The following SLC35F4 variants were observed in gnomAD, a reference collection of about 807,000 sequenced individuals.
The protein encoded by SLC35F4 is chromosome 14 open reading frame 36.
SLC35F4 carries 24 observed loss-of-function variants against 44.2 expected under a neutral mutation model. That is an observed-to-expected ratio of 0.54 (90% CI 0.39 to 0.76). The LOEUF (loss-of-function observed/expected upper bound fraction) is 0.76, where lower values mean the gene tolerates loss of function less well. Ranked by LOEUF, SLC35F4 falls within the 30% of genes least tolerant of loss-of-function variation. SLC35F4 has a pLI of 0.00. For synonymous variants in SLC35F4, 238 were observed against 223.6 expected, an observed-to-expected ratio of 1.06 and a Z score of -0.57; for missense variants, 562 against 586.1, an observed-to-expected ratio of 0.96 and a Z score of 0.42.
intron 1 of SLC35F4, among the ~76,000 whole-genome samples, chr14:57,669,308 T>A (rs1442388028): frequency 6.6e-6 from 1 of 151,918 alleles, no homozygotes; most frequent in African/African-American, 2.4e-5. Context: ...TTTTCCTAAT[T>A]GAATACCCTT....
intron 1 of SLC35F4, among the ~76,000 whole-genome samples, chr14:57,921,053 AG>A (rs1423048064): frequency 6.6e-6 from 1 of 152,240 alleles, no homozygotes; most frequent in Non-Finnish European, 1.5e-5. Context: ...CACCATCTTC[AG>A]AGCAAACTTT....
intron 1 of SLC35F4, among the ~76,000 whole-genome samples, chr14:57,833,115 C>T (rs963860513): frequency 6.6e-6 from 1 of 152,154 alleles, no homozygotes; most frequent in Non-Finnish European, 1.5e-5. Flanking sequence ...CTAGTAAAAG[C>T]ATGACTGGTA....
intron 1 of SLC35F4, among the ~76,000 whole-genome samples, chr14:57,642,448 A>G (rs2073292496): frequency 6.6e-6 from 1 of 151,992 alleles, no homozygotes; most frequent in Non-Finnish European, 1.5e-5. Flanking sequence ...ATTTTATAAG[A>G]TACAGATTTT....
intron 1 of SLC35F4, among the ~76,000 whole-genome samples, chr14:57,638,088 TTC>T (rs2073085029): frequency 6.6e-6 from 1 of 152,164 alleles, no homozygotes; most frequent in South Asian, 2.1e-4. Flanking sequence ...ACCACAAGGT[TTC>T]TCTTTCTCTA....
At chr14:57,834,490 C>T (rs779622572) in intron 1 of SLC35F4, among the ~76,000 whole-genome samples, 1 of 152,154 alleles carries the variant, frequency 6.6e-6, no homozygotes, top group Non-Finnish European at 1.5e-5. Flanking sequence ...CAAAGAAAAA[C>T]ATGCTTTTTG....
At chr14:57,863,483 G>A (rs888621121) in intron 1 of SLC35F4, among the ~76,000 whole-genome samples, 4 of 152,222 alleles carry the variant, frequency 2.6e-5, no homozygotes, top group Non-Finnish European at 4.4e-5. Flanking sequence ...GACAGGAAAT[G>A]AGAAAGTCAC....
chr14:57,641,105 C>T (rs1228904442), intron 1 of SLC35F4, among the ~76,000 whole-genome samples: 2 of 151,852 alleles, frequency 1.3e-5, no homozygotes, highest in Non-Finnish European at 2.9e-5. Flanking sequence ...TATAGACAAA[C>T]ACTAACTAGC....
chr14:57,977,318 T>G (rs1213345185), intron 1 of SLC35F4, among the ~76,000 whole-genome samples: 2 of 152,192 alleles, frequency 1.3e-5, no homozygotes, highest in African/African-American at 4.8e-5. Context: ...TTGAACCACA[T>G]GGCCCAATGG....
At chr14:57,875,546 C>T (rs1651131938) in intron 1 of SLC35F4, among the ~76,000 whole-genome samples, 1 of 152,152 alleles carries the variant, frequency 6.6e-6, no homozygotes, top group Admixed American at 6.6e-5. Context: ...GGTAGATCAG[C>T]TGGGGACTGA....
At chr14:57,937,687 G>T (rs1267121381) in intron 1 of SLC35F4, among the ~76,000 whole-genome samples, 11 of 151,980 alleles carry the variant, frequency 7.2e-5, no homozygotes, top group Admixed American at 4.6e-4. Flanking sequence ...AAGGATAAAA[G>T]ATCTGGCTAT....
chr14:57,925,320 A>G (rs1454917206), intron 1 of SLC35F4, among the ~76,000 whole-genome samples: 1 of 152,046 alleles, frequency 6.6e-6, no homozygotes, highest in Non-Finnish European at 1.5e-5. Flanking sequence ...TGTTTTTCAC[A>G]TACATTCTTC....
chr14:57,668,620 T>G (rs1327589775), intron 1 of SLC35F4, among the ~76,000 whole-genome samples: 1 of 152,108 alleles, frequency 6.6e-6, no homozygotes, highest in African/African-American at 2.4e-5. Flanking sequence ...TTGTCAGGGT[T>G]GTCAAAGATC....
At chr14:57,857,655 T>A (rs552341481) in intron 1 of SLC35F4, among the ~76,000 whole-genome samples, 12 of 152,158 alleles carry the variant, frequency 7.9e-5, no homozygotes, top group African/African-American at 2.9e-4. Context: ...ATGGGTGAGA[T>A]AGTTTTGTGC....
At chr14:57,747,417 T>C (rs1305204083) in intron 1 of SLC35F4, among the ~76,000 whole-genome samples, 2 of 152,176 alleles carry the variant, frequency 1.3e-5, no homozygotes, top group Admixed American at 6.5e-5. Context: ...GTGTTTCTAA[T>C]TTTGACTACC....
intron 5 of SLC35F4, 118 bp from the exon 6 acceptor site, chr14:57,570,098 C>A: frequency 2.2e-6 from 2 of 913,482 alleles, no homozygotes; most frequent in Non-Finnish European, 3.2e-6. Context: ...TTTCTTCTTG[C>A]CCTGACATCT....
intron 2 of SLC35F4, among the ~76,000 whole-genome samples, chr14:57,589,984 T>G (rs532309240): frequency 1.3e-5 from 2 of 152,254 alleles, no homozygotes; most frequent in African/African-American, 4.8e-5. Flanking sequence ...AGGTGTTCTT[T>G]CTGTGTGGGA....
At chr14:57,661,199 A>C (rs1181050292) in intron 1 of SLC35F4, among the ~76,000 whole-genome samples, 2 of 152,172 alleles carry the variant, frequency 1.3e-5, no homozygotes, top group Non-Finnish European at 2.9e-5. Context: ...TCAGTGTCAT[A>C]ATCCTTGCCC....
At chr14:57,741,769 T>C (rs1353426820) in intron 1 of SLC35F4, among the ~76,000 whole-genome samples, 2 of 152,138 alleles carry the variant, frequency 1.3e-5, no homozygotes, top group Admixed American at 1.3e-4. Flanking sequence ...AGGCACATAA[T>C]TGTCAGATTC....
At chr14:57,824,799 G>A (rs73291421) in intron 1 of SLC35F4, among the ~76,000 whole-genome samples, 27,261 of 152,096 alleles carry the variant, frequency 0.18, 3,449 homozygotes, top group African/African-American at 0.36. Flanking sequence ...GTGTGCTCAC[G>A]GAAGTGTAGA....
Sources: gnomAD v4.1 joint callset for allele counts (sites outside exome capture counted in the v4.1 genomes callset) on GRCh38, gnomAD v4.1.1 for gene constraint, MANE v1.5 for transcripts, NCBI Gene and HGNC (gene_info 2026-07-23, HGNC 2026-07-21) for gene names.